The following RFX3 variants were observed in gnomAD, a reference collection of about 807,000 sequenced individuals.
RFX3 encodes the protein transcription factor RFX3.
Under a neutral mutation model 98.6 loss-of-function variants are expected in RFX3, and 14 were observed. That is an observed-to-expected ratio of 0.14 (90% CI 0.09 to 0.22). The LOEUF (loss-of-function observed/expected upper bound fraction) is 0.22. RFX3 is among the 10% of genes least tolerant of loss of function. The pLI, the probability that RFX3 is intolerant of heterozygous loss-of-function variation, is 1.00. For synonymous variants in RFX3, 383 were observed against 328.4 expected (o/e 1.17, Z -1.80); for missense variants, 639 against 926.9 (o/e 0.69, Z 4.03).
chr9:3,386,271 A>T (rs1839706565), intron 2 of RFX3, among the ~76,000 whole-genome samples: 1 of 152,126 alleles, frequency 6.6e-6, no homozygotes, highest in Admixed American at 6.6e-5. Flanking sequence ...ATTTTTTTTT[A>T]GAAGATCATG....
At chr9:3,282,638 G>C (rs1826056307) in intron 7 of RFX3, among the ~76,000 whole-genome samples, 1 of 151,744 alleles carries the variant, frequency 6.6e-6, no homozygotes, top group African/African-American at 2.4e-5. Flanking sequence ...TTTCTTCATT[G>C]AGTCCTCTAA....
At chr9:3,293,938 G>C (rs1323837981) in intron 5 of RFX3, among the ~76,000 whole-genome samples, 1 of 152,030 alleles carries the variant, frequency 6.6e-6, no homozygotes, top group Non-Finnish European at 1.5e-5. Flanking sequence ...CCTCAAAACT[G>C]TGTTTATTCA....
chr9:3,318,704 C>T (rs959575155), intron 4 of RFX3, among the ~76,000 whole-genome samples: 6 of 151,886 alleles, frequency 4.0e-5, no homozygotes, highest in African/African-American at 1.5e-4. Context: ...AATTTTATGA[C>T]GTCTAGAGAA....
At position 3,234,136 on chromosome 9, in the gene RFX3, TAAAAC is replaced by T. The variant is rs1424945638; in HGVS notation, c.1969-5252_1969-5248del. Reference sequence around the variant, plus strand: ...GTTAACTATCACCCAGGAAACAAAATAAAACAAAACTGATACCAGCAAAATATGAA... The same window carrying T: ...GTTAACTATCACCCAGGAAACAAAATAAAACTGATACCAGCAAAATATGAA... On this transcript the variant is annotated intron_variant, in intron 15 of 16. Coordinates refer to ENST00000617270, the MANE Select transcript of RFX3 (RefSeq NM_001282116.2). Among the ~76,000 whole-genome samples the T allele has an allele frequency of 4.6e-5, 7 of 152,208 alleles. No homozygotes were observed. In the South Asian group the frequency reaches 1.0e-3, roughly 23 times the overall value.
At chr9:3,398,925 A>ATAAAT (rs1398541938) in intron 1 of RFX3, among the ~76,000 whole-genome samples, 36 of 148,702 alleles carry the variant, frequency 2.4e-4, no homozygotes, top group African/African-American at 9.0e-4. Context: ...AAAAAAAAAA[A>ATAAAT]AAAAAAAAAA....
At chr9:3,479,388 A>G (rs1367641429) in intron 1 of RFX3, among the ~76,000 whole-genome samples, 3 of 152,302 alleles carry the variant, frequency 2.0e-5, no homozygotes, top group South Asian at 2.1e-4. Context: ...AACCAAAAAA[A>G]ACAAACCCTC....
At chr9:3,504,927 TTATATATAA>T (rs1224956813) in intron 1 of RFX3, among the ~76,000 whole-genome samples, 6 of 73,568 alleles carry the variant, frequency 8.2e-5, no homozygotes, top group African/African-American at 3.4e-4. Flanking sequence ...ATAACATATA[TTATATATAA>T]TATATATAAT....
chr9:3,493,203 C>G (rs981288348), intron 1 of RFX3, among the ~76,000 whole-genome samples: 1 of 151,988 alleles, frequency 6.6e-6, no homozygotes, highest in African/African-American at 2.4e-5. Context: ...AAAAGACTAG[C>G]AGAAAAAGGA....
At chr9:3,504,309 A>G (rs998766971) in intron 1 of RFX3, among the ~76,000 whole-genome samples, 3 of 134,458 alleles carry the variant, frequency 2.2e-5, no homozygotes, top group African/African-American at 8.7e-5. Context: ...TATACCACAT[A>G]GCATATATTA....
At chr9:3,396,273 G>T (rs1001379418) in intron 1 of RFX3, among the ~76,000 whole-genome samples, 1 of 151,762 alleles carries the variant, frequency 6.6e-6, no homozygotes, top group Non-Finnish European at 1.5e-5. Context: ...TCCCACCTAT[G>T]AGTGAGAACA....
intron 15 of RFX3, among the ~76,000 whole-genome samples, chr9:3,233,261 G>T (rs1318813933): frequency 1.3e-5 from 2 of 152,206 alleles, no homozygotes; most frequent in Admixed American, 6.5e-5. Flanking sequence ...TGATCGGCAG[G>T]ATCCCTGAGA....
At chr9:3,373,835 T>G (rs1838125306) in intron 2 of RFX3, among the ~76,000 whole-genome samples, 1 of 151,940 alleles carries the variant, frequency 6.6e-6, no homozygotes, top group Non-Finnish European at 1.5e-5. Flanking sequence ...TCCCAGCACT[T>G]TGGGAGGCAG....
intron 3 of RFX3, among the ~76,000 whole-genome samples, chr9:3,337,117 G>C (rs1169977604): frequency 6.6e-6 from 1 of 152,138 alleles, no homozygotes; most frequent in African/African-American, 2.4e-5. Flanking sequence ...TAGCCAGAGA[G>C]ACAACCTACA....
intron 13 of RFX3, among the ~76,000 whole-genome samples, chr9:3,257,531 A>G (rs1822295592): frequency 6.6e-6 from 1 of 152,210 alleles, no homozygotes; most frequent in African/African-American, 2.4e-5. Context: ...TACAGTAGGC[A>G]GGGTCTTTCA....
intron 2 of RFX3, among the ~76,000 whole-genome samples, chr9:3,393,730 T>C (rs1840558909): frequency 6.8e-6 from 1 of 147,080 alleles, no homozygotes; most frequent in African/African-American, 2.6e-5. Context: ...TTAAAAAATA[T>C]ATATAAAAAG....
intron 1 of RFX3, among the ~76,000 whole-genome samples, chr9:3,496,218 A>AAAAT (rs1851098738): frequency 6.6e-6 from 1 of 152,006 alleles, no homozygotes; most frequent in African/African-American, 2.4e-5. Flanking sequence ...TAAAATAACT[A>AAAAT]AACTTGTTCT....
chr9:3,269,694 T>A (rs1208901998), intron 11 of RFX3, among the ~76,000 whole-genome samples: 1 of 152,170 alleles, frequency 6.6e-6, no homozygotes, highest in Non-Finnish European at 1.5e-5. Context: ...TAATTCCCAT[T>A]TTCTTCATAG....
chr9:3,496,593 T>G (rs115246154), intron 1 of RFX3, among the ~76,000 whole-genome samples: 1 of 152,044 alleles, frequency 6.6e-6, no homozygotes, highest in Non-Finnish European at 1.5e-5. Context: ...AATTCTGTAC[T>G]ATCACGTTAA....
At chr9:3,357,956 C>G (rs16917371) in intron 2 of RFX3, among the ~76,000 whole-genome samples, 10,740 of 151,936 alleles carry the variant, frequency 0.071, 466 homozygotes, top group African/African-American at 0.12. Context: ...TCATTTTGCT[C>G]TCAGGATTTA....
Sources: gnomAD v4.1 joint callset for allele counts (sites outside exome capture counted in the v4.1 genomes callset) on GRCh38, gnomAD v4.1.1 for gene constraint, MANE v1.5 for transcripts, NCBI Gene and HGNC (gene_info 2026-07-23, HGNC 2026-07-21) for gene names.